NDRG1: variants seen among roughly 807,000 people sequenced by gnomAD.
NDRG1 encodes protein NDRG1.
NDRG1 carries 32 observed loss-of-function variants against 56.9 expected under a neutral mutation model. The ratio of observed to expected loss-of-function variants is 0.56; its 90% CI spans 0.42 to 0.76. The LOEUF (loss-of-function observed/expected upper bound fraction) is 0.76. Ranked by LOEUF, NDRG1 falls within the 30% of genes least tolerant of loss-of-function variation. NDRG1 has a pLI of 0.00. For missense variants in NDRG1, 507 were observed against 545.7 expected (o/e 0.93, Z 0.71); for synonymous variants, 211 against 204.1 (o/e 1.03, Z -0.29).
chr8:133,238,694 C>T lies in NDRG1; in HGVS notation c.*184G>A, dbSNP rs778104868. ...TCCTTCCTTTGGTCCACCGCCACCC[C>T]GCCTTTGGAGAGGGCACCCACGTAA... On this transcript the variant is annotated 3_prime_UTR_variant, in exon 16 of 16. Coordinates refer to ENST00000323851, the MANE Select transcript of NDRG1 (RefSeq NM_006096.4). 11 of 719,314 alleles carry T rather than the reference C, an allele frequency of 1.5e-5. No individual in the cohort carries two copies. Among genetic ancestry groups the T allele is most frequent in the Middle Eastern group, 4.0e-4 (1 of 2,520 alleles). 44.6% of individuals were successfully genotyped at this position (719,314 alleles called of 1,614,324 possible). A position where few individuals can be genotyped will look rare whatever the true frequency, so the allele number is the denominator to read the frequency against.
At position 133,238,546 on chromosome 8, in the gene NDRG1, G is replaced by T. The variant is rs1381051439; in HGVS notation, c.*332C>A. 1.6e-5 allele frequency: 6 copies of T among 385,804 alleles called. No individual in the cohort carries two copies. The highest frequency in any genetic ancestry group is 2.8e-5 in the Non-Finnish European group (6 of 213,938). The allele number at this position is 385,804 out of a possible 1,614,324, so 23.9% of individuals were successfully genotyped here. A position where few individuals can be genotyped will look rare whatever the true frequency, so the allele number is the denominator to read the frequency against. ...GGATGCTCAGGGCGGCCTAGGCTTG[G>T]CTTTGTGAAGTGTGTGCTGCTACGC... On this transcript the variant is annotated 3_prime_UTR_variant, in exon 16 of 16. Coordinates refer to ENST00000323851, the MANE Select transcript of NDRG1 (RefSeq NM_006096.4).
At chr8:133,248,003 G>A in intron 11 of NDRG1, 77 bp from the exon 12 acceptor site, 1 of 1,416,552 alleles carries the variant, frequency 7.1e-7, no homozygotes, top group Non-Finnish European at 1.0e-6. Context: ...TGCCAGGCTG[G>A]GGCCTGCATT....
chr8:133,267,391 C>T (rs1298933629), intron 3 of NDRG1, among the ~76,000 whole-genome samples: 5 of 152,110 alleles, frequency 3.3e-5, no homozygotes, highest in Admixed American at 1.3e-4. Flanking sequence ...CACCCGGGCC[C>T]GCCCAGCACG....
chr8:133,268,821 A>T (rs1857044788), intron 3 of NDRG1, among the ~76,000 whole-genome samples: 1 of 151,918 alleles, frequency 6.6e-6, no homozygotes, highest in Admixed American at 6.6e-5. Flanking sequence ...GGAAAAAAGC[A>T]AGTGTTGTCA....
At chr8:133,269,227 C>A (rs1189580984) in intron 3 of NDRG1, among the ~76,000 whole-genome samples, 1 of 152,172 alleles carries the variant, frequency 6.6e-6, no homozygotes, top group Non-Finnish European at 1.5e-5. Flanking sequence ...CTGGCTGGGA[C>A]AAGGCTGGCA....
chr8:133,277,607 C>T (rs1014066805), intron 3 of NDRG1, among the ~76,000 whole-genome samples: 14 of 152,002 alleles, frequency 9.2e-5, no homozygotes, highest in Non-Finnish European at 1.3e-4. Context: ...TGAAAATGGA[C>T]GATAGTGATG....
At chr8:133,246,569 A>G in intron 13 of NDRG1, 47 bp downstream of exon 13, 1 of 1,595,522 alleles carries the variant, frequency 6.3e-7, no homozygotes, top group Non-Finnish European at 8.6e-7. Context: ...AACGTCTGAG[A>G]GTTTCTAAGA....
intron 3 of NDRG1, among the ~76,000 whole-genome samples, chr8:133,267,961 G>T (rs1796604993): frequency 6.6e-6 from 1 of 152,242 alleles, no homozygotes; most frequent in South Asian, 2.1e-4. Flanking sequence ...CTGGCATCAA[G>T]AATGTCCCTG....
chr8:133,268,863 T>TCA (rs10569573), intron 3 of NDRG1, among the ~76,000 whole-genome samples: 7,905 of 149,176 alleles, frequency 0.053, 268 homozygotes, highest in East Asian at 0.17. Context: ...ATCCCCTAAG[T>TCA]CACACACACA....
chr8:133,242,148 C>T, intron 14 of NDRG1, 74 bp from the exon 15 acceptor site: 1 of 1,441,782 alleles, frequency 6.9e-7, no homozygotes, highest in Non-Finnish European at 9.8e-7. Context: ...GGGGGCTGTG[C>T]CTGTGGTCAC....
intron 12 of NDRG1, among the ~76,000 whole-genome samples, chr8:133,246,945 A>T (rs907057021): frequency 6.6e-6 from 1 of 152,238 alleles, no homozygotes; most frequent in Admixed American, 6.5e-5. Context: ...TATTATGAAG[A>T]TTAGCCGAAA....
chr8:133,293,112 G>A (rs1036263865), intron 1 of NDRG1, among the ~76,000 whole-genome samples: 2 of 152,148 alleles, frequency 1.3e-5, no homozygotes, highest in African/African-American at 2.4e-5. Flanking sequence ...CCGAGAACAC[G>A]GCTCCAGGTT....
intron 12 of NDRG1, among the ~76,000 whole-genome samples, 190 bp downstream of exon 12, chr8:133,247,685 G>A (rs748512222): frequency 4.6e-5 from 7 of 152,232 alleles, no homozygotes; most frequent in Non-Finnish European, 1.0e-4. Context: ...AAGCAACCAG[G>A]GCTGGCAGCC....
At chr8:133,241,192 C>T (rs1235012308) in intron 15 of NDRG1, 1 of 152,294 alleles carries the variant, frequency 6.6e-6, no homozygotes, top group Non-Finnish European at 1.5e-5. Flanking sequence ...TAGTTCCAAG[C>T]AGTAGGGTCA....
rs1449128690 is a variant in NDRG1, at chr8:133,246,626, G to A, written c.845C>T (p.Thr282Ile). The change falls in exon 13 of 16, where the codon ACT becomes ATT. Residue 282 changes from threonine (T) to isoleucine (I), a missense_variant. Transcript: ENST00000323851. Reference sequence around the variant, plus strand: ...CTGTTTTCCCTGTACCTTGAGGAGAGTGGTCTTTGTTGGGTCCAATTTTGA... The same window carrying A: ...CTGTTTTCCCTGTACCTTGAGGAGAATGGTCTTTGTTGGGTCCAATTTTGA... ...CNSKLDPTKT[T>I]LLKMADCGGL... is the part of the protein sequence containing the mutation. 1.9e-6 allele frequency: 3 copies of A among 1,614,148 alleles called. No individual in the cohort carries two copies. Among genetic ancestry groups the A allele is most frequent in the Non-Finnish European group, 2.5e-6 (3 of 1,180,006 alleles).
At chr8:133,293,790 G>T (rs1002582125) in intron 1 of NDRG1, among the ~76,000 whole-genome samples, 1 of 152,200 alleles carries the variant, frequency 6.6e-6, no homozygotes, top group Admixed American at 6.5e-5. Context: ...AGAGAGAATC[G>T]CAGGAGACCG....
chr8:133,272,336 C>G (rs927537751), intron 3 of NDRG1, among the ~76,000 whole-genome samples: 2 of 152,198 alleles, frequency 1.3e-5, no homozygotes, highest in Admixed American at 1.3e-4. Context: ...ATCCATGGAG[C>G]AGGGGAGGGC....
At chr8:133,245,055 G>A (rs1352325104) in intron 13 of NDRG1, among the ~76,000 whole-genome samples, 3 of 152,130 alleles carry the variant, frequency 2.0e-5, no homozygotes, top group Non-Finnish European at 4.4e-5. Flanking sequence ...GTGAGGCTGT[G>A]GGCATCCTAC....
chr8:133,273,998 C>G (rs553444992), intron 3 of NDRG1, among the ~76,000 whole-genome samples: 1 of 152,206 alleles, frequency 6.6e-6, no homozygotes, highest in Non-Finnish European at 1.5e-5. Context: ...TCCTGCAACC[C>G]GGACACCTAG....
Sources: allele counts gnomAD v4.1 joint callset (sites outside exome capture counted in the v4.1 genomes callset), GRCh38; gene constraint gnomAD v4.1.1; transcripts MANE v1.5; gene names NCBI Gene and HGNC (gene_info 2026-07-23, HGNC 2026-07-21).